The following MAP4K3 variants were observed in gnomAD, a reference collection of about 807,000 sequenced individuals.
The protein encoded by MAP4K3 is mitogen-activated protein kinase kinase kinase kinase 3.
Under a neutral mutation model 143.5 loss-of-function variants are expected in MAP4K3, and 94 were observed. That is an observed-to-expected ratio of 0.65 (90% confidence interval 0.55 to 0.78). The LOEUF is 0.78. Ranked by LOEUF, MAP4K3 falls within the 30% of genes least tolerant of loss-of-function variation. The probability of loss-of-function intolerance (pLI) is 0.00; values close to 1 mark genes in which losing one functional copy is unlikely to be tolerated. For synonymous variants in MAP4K3, 416 were observed against 347.2 expected, an observed-to-expected ratio of 1.20 and a Z score of -2.20; for missense variants, 1,077 against 1,068.1, an observed-to-expected ratio of 1.01 and a Z score of -0.12.
At chr2:39,269,735 A>G (rs1680933402) in intron 26 of MAP4K3, among the ~76,000 whole-genome samples, 1 of 152,200 alleles carries the variant, frequency 6.6e-6, no homozygotes, top group Non-Finnish European at 1.5e-5. Flanking sequence ...TGTGACAGCT[A>G]AACAATGACA....
intron 12 of MAP4K3, among the ~76,000 whole-genome samples, chr2:39,321,454 C>T (rs4619377): frequency 2.0e-5 from 3 of 152,286 alleles, no homozygotes; most frequent in East Asian, 1.9e-4. Context: ...ACAAACACTA[C>T]GGAAGGCCGC....
At chr2:39,275,074 T>G (rs1681190350) in intron 24 of MAP4K3, among the ~76,000 whole-genome samples, 1 of 152,234 alleles carries the variant, frequency 6.6e-6, no homozygotes, top group African/African-American at 2.4e-5. Context: ...GGAAAAATGT[T>G]TCCTTTGAAG....
intron 16 of MAP4K3, among the ~76,000 whole-genome samples, chr2:39,294,791 C>T (rs1411634967): frequency 3.9e-5 from 6 of 152,152 alleles, no homozygotes; most frequent in African/African-American, 1.2e-4. Flanking sequence ...GGCTAAATAA[C>T]ATTTCCTTAA....
chr2:39,370,695 T>A (rs1666056335), intron 2 of MAP4K3, among the ~76,000 whole-genome samples: 1 of 152,256 alleles, frequency 6.6e-6, no homozygotes, highest in Non-Finnish European at 1.5e-5. Context: ...TCTCTGTTTA[T>A]CAACCTCAGT....
chr2:39,355,978 C>T (rs113793605), intron 3 of MAP4K3, among the ~76,000 whole-genome samples: 2 of 152,312 alleles, frequency 1.3e-5, no homozygotes, highest in African/African-American at 4.8e-5. Context: ...ATATTTAGAT[C>T]GCTAGTCCAC....
intron 31 of MAP4K3, among the ~76,000 whole-genome samples, chr2:39,257,413 C>G (rs923038566): frequency 6.6e-6 from 1 of 152,202 alleles, no homozygotes; most frequent in Non-Finnish European, 1.5e-5. Flanking sequence ...AAAACATAAT[C>G]TGGTATACTG....
chr2:39,353,736 T>TAGCAGC (rs150401154), intron 3 of MAP4K3, among the ~76,000 whole-genome samples: 21 of 151,284 alleles, frequency 1.4e-4, no homozygotes, highest in African/African-American at 2.0e-4. Context: ...GTAGTAGTAG[T>TAGCAGC]AGCAGCAGCA....
At chr2:39,333,327 A>C (rs893077035) in intron 7 of MAP4K3, among the ~76,000 whole-genome samples, 1 of 152,188 alleles carries the variant, frequency 6.6e-6, no homozygotes, top group African/African-American at 2.4e-5. Context: ...TCTTTACAAC[A>C]GATATGTCTT....
intron 31 of MAP4K3, 53 bp from the exon 32 acceptor site, chr2:39,254,573 T>C: frequency 7.4e-7 from 1 of 1,359,038 alleles, no homozygotes; most frequent in Non-Finnish European, 1.1e-6. Flanking sequence ...GTTCAACTGA[T>C]AAGCATCATT....
chr2:39,305,137 T>C (rs1682656281), intron 15 of MAP4K3, among the ~76,000 whole-genome samples: 1 of 152,168 alleles, frequency 6.6e-6, no homozygotes, highest in Non-Finnish European at 1.5e-5. Flanking sequence ...TGGAGAGTGG[T>C]GGCAGCTGCG....
At chr2:39,372,408 G>A (rs1446157673) in intron 2 of MAP4K3, among the ~76,000 whole-genome samples, 1 of 150,068 alleles carries the variant, frequency 6.7e-6, no homozygotes, top group Non-Finnish European at 1.5e-5. Flanking sequence ...AAATATGAAT[G>A]ACATTCTTCA....
intron 3 of MAP4K3, 59 bp downstream of exon 3, chr2:39,356,190 T>C: frequency 1.0e-6 from 1 of 963,794 alleles, no homozygotes; most frequent in South Asian, 1.5e-5. Context: ...CTTTATTTTG[T>C]TTAATGCATT....
intron 1 of MAP4K3, among the ~76,000 whole-genome samples, chr2:39,406,986 A>G (rs533462391): frequency 1.3e-5 from 2 of 152,358 alleles, no homozygotes; most frequent in South Asian, 4.1e-4. Flanking sequence ...AAAATTCTTA[A>G]AATTTTAGCA....
Position 39,259,010 on chromosome 2 carries a change from G to GT in MAP4K3, c.2309-424dup, listed in dbSNP as rs10673971. Among the ~76,000 whole-genome samples, 131 of 144,958 alleles carry GT rather than the reference G, an allele frequency of 9.0e-4. 1 individual carries two copies. In the Middle Eastern group the frequency reaches 0.011, roughly 12 times the overall value. ...CTGGGAATTTACAAAAATGAAAATTGTTTTTTTTTTTTGCGCCTGCTGCTC... is the reference window on the plus strand; with the variant it reads ...CTGGGAATTTACAAAAATGAAAATTGTTTTTTTTTTTTTGCGCCTGCTGCTC... On this transcript the variant is annotated intron_variant, in intron 29 of 33. Coordinates refer to ENST00000263881, the MANE Select transcript of MAP4K3 (RefSeq NM_003618.4).
chr2:39,400,227 C>T (rs999416741), intron 1 of MAP4K3, among the ~76,000 whole-genome samples: 1 of 152,212 alleles, frequency 6.6e-6, no homozygotes, highest in African/African-American at 2.4e-5. Flanking sequence ...TTTAACTTCT[C>T]TGTTTCTATT....
rs191231393 is a variant in MAP4K3, at chr2:39,264,093, G to A, written c.2136+1110C>T. ...ATTTAAAATAGCCTGAAGAAAGAAA[G>A]GAAAAAGATAGGAAAGGAAGAGGTT... On this transcript the variant is annotated intron_variant, in intron 28 of 33. Transcript: ENST00000263881. Among the ~76,000 whole-genome samples the A allele has an allele frequency of 3.9e-5, 6 of 152,174 alleles. No homozygotes were observed. The East Asian group carries it at 1.2e-3, about 29-fold the overall frequency.
At chr2:39,285,059 A>C (rs1434372765) in intron 21 of MAP4K3, among the ~76,000 whole-genome samples, 1 of 151,674 alleles carries the variant, frequency 6.6e-6, no homozygotes, top group Non-Finnish European at 1.5e-5. Flanking sequence ...TGTCTGGCTA[A>C]ATTTTTATTT....
At chr2:39,281,282 C>T (rs944442061) in intron 22 of MAP4K3, among the ~76,000 whole-genome samples, 1 of 152,234 alleles carries the variant, frequency 6.6e-6, no homozygotes, top group Admixed American at 6.5e-5. Flanking sequence ...CACTAGTTGA[C>T]AATAATGGAT....
At chr2:39,344,824 T>G (rs1364232018) in intron 3 of MAP4K3, among the ~76,000 whole-genome samples, 1 of 152,032 alleles carries the variant, frequency 6.6e-6, no homozygotes, top group Non-Finnish European at 1.5e-5. Flanking sequence ...GAATGAAAAC[T>G]TGAAAGAAAT....
Sources: allele counts gnomAD v4.1 joint callset (sites outside exome capture counted in the v4.1 genomes callset), GRCh38; gene constraint gnomAD v4.1.1; transcripts MANE v1.5; gene names NCBI Gene and HGNC (gene_info 2026-07-23, HGNC 2026-07-21).